Variants in SLC16A10 observed in about 807,000 individuals in gnomAD.
SLC16A10 encodes solute carrier family 16 member 10, also known as monocarboxylate transporter 10.
A neutral mutation model predicts 40.0 loss-of-function variants in SLC16A10; 27 were observed. The observed-to-expected ratio is 0.67, with a 90% CI of 0.50 to 0.93. SLC16A10 has a LOEUF of 0.93. SLC16A10 is among the 40% of genes least tolerant of loss of function. SLC16A10 has a pLI of 0.00. For missense variants in SLC16A10, 529 were observed against 658.2 expected, an observed-to-expected ratio of 0.80 and a Z score of 2.15; for synonymous variants, 213 against 249.8, an observed-to-expected ratio of 0.85 and a Z score of 1.39.
chr6:111,163,850 G>T (rs1342374692), intron 1 of SLC16A10, among the ~76,000 whole-genome samples: 1 of 152,190 alleles, frequency 6.6e-6, no homozygotes, highest in African/African-American at 2.4e-5. Flanking sequence ...CTCATTAAGA[G>T]TGAAGACAGC....
At chr6:111,181,745 C>T (rs1039065058) in intron 3 of SLC16A10, among the ~76,000 whole-genome samples, 1 of 152,106 alleles carries the variant, frequency 6.6e-6, no homozygotes, top group Non-Finnish European at 1.5e-5. Flanking sequence ...TTGATCTTCT[C>T]GTAGTTGACG....
intron 4 of SLC16A10, among the ~76,000 whole-genome samples, chr6:111,214,809 A>C (rs1282613048): frequency 6.6e-6 from 1 of 152,204 alleles, no homozygotes; most frequent in African/African-American, 2.4e-5. Flanking sequence ...ACTTGCAGTC[A>C]GGGAAAGTAT....
At chr6:111,100,990 CTCTATATATATA>C (rs1302419298) in intron 1 of SLC16A10, among the ~76,000 whole-genome samples, 19 of 70,978 alleles carry the variant, frequency 2.7e-4, no homozygotes, top group African/African-American at 6.3e-4. Flanking sequence ...CTCTCTCTCT[CTCTATATATATA>C]TATATATATA....
chr6:111,132,205 C>T (rs1364767130), intron 1 of SLC16A10, among the ~76,000 whole-genome samples: 1 of 151,316 alleles, frequency 6.6e-6, no homozygotes, highest in Non-Finnish European at 1.5e-5. Context: ...GAGAGAGAGA[C>T]AGAGACAGAG....
At chr6:111,182,752 G>A (rs570156900) in intron 3 of SLC16A10, among the ~76,000 whole-genome samples, 1 of 152,148 alleles carries the variant, frequency 6.6e-6, no homozygotes, top group East Asian at 1.9e-4. Context: ...CTCATCTCAG[G>A]AGCTGGCAAT....
intron 1 of SLC16A10, among the ~76,000 whole-genome samples, chr6:111,120,306 A>G (rs1025454158): frequency 2.0e-5 from 3 of 152,194 alleles, no homozygotes; most frequent in African/African-American, 7.2e-5. Flanking sequence ...CTGTTTAGAA[A>G]TTTAACTTAG....
At chr6:111,131,673 C>T (rs766514467) in intron 1 of SLC16A10, among the ~76,000 whole-genome samples, 6 of 152,198 alleles carry the variant, frequency 3.9e-5, no homozygotes, top group Admixed American at 2.0e-4. Flanking sequence ...TAACAGCCCC[C>T]AACCCTTCTG....
chr6:111,110,345 C>CG, intron 1 of SLC16A10, among the ~76,000 whole-genome samples: 1 of 66,428 alleles, frequency 1.5e-5, no homozygotes, highest in South Asian at 6.1e-4. Flanking sequence ...GCGAGGGTAA[C>CG]AATTTTTTTT....
chr6:111,132,612 G>A (rs1562407258), intron 1 of SLC16A10, among the ~76,000 whole-genome samples: 2 of 152,202 alleles, frequency 1.3e-5, no homozygotes, highest in Admixed American at 6.5e-5. Flanking sequence ...AAAGCAAAAA[G>A]GTAACTTACT....
chr6:111,183,017 A>G (rs573768430), intron 3 of SLC16A10, among the ~76,000 whole-genome samples: 1 of 152,240 alleles, frequency 6.6e-6, no homozygotes, highest in African/African-American at 2.4e-5. Flanking sequence ...TTTGTTCTCT[A>G]TGAAGAAGCC....
intron 1 of SLC16A10, among the ~76,000 whole-genome samples, chr6:111,165,633 A>G (rs1234245564): frequency 6.6e-6 from 1 of 152,214 alleles, no homozygotes; most frequent in East Asian, 1.9e-4. Context: ...GGTGAAACCA[A>G]CAAGCCTTAA....
chr6:111,177,450 G>A lies in SLC16A10; in HGVS notation c.727G>A (p.Val243Ile), dbSNP rs746095820. The change falls in exon 3 of 6, where the codon GTT (valine) becomes ATT (isoleucine). Residue 243 changes from valine (V) to isoleucine (I), a missense_variant. Coordinates refer to ENST00000368851, the MANE Select transcript of SLC16A10 (RefSeq NM_018593.5). ...TLRVLCIFMF[V>I]LFLAGFTYRP... ...GAGGGTGCTCTGCATCTTCATGTTT[G>A]TTCTCTTTCTGGCTGGCTTTACTTA... The A allele has an allele frequency of 3.1e-6, 5 of 1,613,948 alleles. No individual in the cohort carries two copies. In the East Asian group the frequency reaches 1.1e-4, roughly 36 times the overall value.
chr6:111,112,296 A>C (rs1771403360), intron 1 of SLC16A10, among the ~76,000 whole-genome samples: 1 of 152,112 alleles, frequency 6.6e-6, no homozygotes, highest in Non-Finnish European at 1.5e-5. Flanking sequence ...TGGCCTCCCA[A>C]GGTGCTGGGA....
chr6:111,184,788 T>C lies in SLC16A10; in HGVS notation c.942+7123T>C, dbSNP rs73765932. Reference sequence around the variant, plus strand: ...AACCACCGCCCCTGGCCATGAATTGTATTTTTAAACCAGAAATGAAAATTT... The same window carrying C: ...AACCACCGCCCCTGGCCATGAATTGCATTTTTAAACCAGAAATGAAAATTT... On this transcript the variant is annotated intron_variant, in intron 3 of 5. Transcript: ENST00000368851. Among the ~76,000 whole-genome samples the C allele has an allele frequency of 1.7e-3, 256 of 152,322 alleles. 3 individuals are homozygous for C. The highest frequency in any genetic ancestry group is 5.6e-3 in the African/African-American group (234 of 41,572).
intron 3 of SLC16A10, chr6:111,178,332 A>G: frequency 1.9e-6 from 1 of 525,042 alleles, no homozygotes; most frequent in Non-Finnish European, 3.9e-6. Flanking sequence ...AGGAAAGAGA[A>G]CTATGGTTTT....
intron 1 of SLC16A10, among the ~76,000 whole-genome samples, chr6:111,119,680 A>C (rs1158994398): frequency 2.0e-5 from 3 of 152,144 alleles, no homozygotes; most frequent in Non-Finnish European, 4.4e-5. Flanking sequence ...CTGGTGTGGC[A>C]ATATTTGGAG....
intron 4 of SLC16A10, among the ~76,000 whole-genome samples, chr6:111,207,215 A>T (rs1336145731): frequency 1.3e-5 from 2 of 152,264 alleles, no homozygotes; most frequent in African/African-American, 4.8e-5. Context: ...TGGCAATGAA[A>T]CAACAATTTC....
At chr6:111,173,386 A>T (rs973485893) in intron 2 of SLC16A10, 1 of 152,594 alleles carries the variant, frequency 6.6e-6, no homozygotes, top group Non-Finnish European at 1.5e-5. Context: ...AAGTGGTCCA[A>T]TGTACCTTAA....
intron 3 of SLC16A10, among the ~76,000 whole-genome samples, chr6:111,196,254 C>G (rs1221116986): frequency 6.6e-6 from 1 of 152,152 alleles, no homozygotes; most frequent in African/African-American, 2.4e-5. Flanking sequence ...GGGAAAATTT[C>G]TTGAACCCGT....
Sources: gnomAD v4.1 joint callset for allele counts (sites outside exome capture counted in the v4.1 genomes callset) on GRCh38, gnomAD v4.1.1 for gene constraint, MANE v1.5 for transcripts, NCBI Gene and HGNC (gene_info 2026-07-23, HGNC 2026-07-21) for gene names.